Variants in MBD5 observed in about 807,000 individuals in gnomAD.
MBD5 encodes the protein methyl-CpG binding domain protein 5.
Under a neutral mutation model 117.3 loss-of-function variants are expected in MBD5, and 13 were observed. The ratio of observed to expected loss-of-function variants is 0.11; its 90% CI spans 0.07 to 0.18. The LOEUF is 0.18. MBD5 is among the 10% of genes least tolerant of loss of function. The probability of loss-of-function intolerance (pLI) is 1.00; values close to 1 mark genes in which losing one functional copy is unlikely to be tolerated. For missense variants in MBD5, 1,879 were observed against 2,093.8 expected, an observed-to-expected ratio of 0.90 and a Z score of 2.00; for synonymous variants, 727 against 766.4, an observed-to-expected ratio of 0.95 and a Z score of 0.85.
At chr2:148,299,154 A>T (rs1222646572) in intron 3 of MBD5, among the ~76,000 whole-genome samples, 1 of 151,340 alleles carries the variant, frequency 6.6e-6, no homozygotes, top group Non-Finnish European at 1.5e-5. Flanking sequence ...TTTGAAACAG[A>T]GTCTAGCTCT....
At chr2:148,425,655 A>G (rs911202044) in intron 4 of MBD5, among the ~76,000 whole-genome samples, 1 of 152,152 alleles carries the variant, frequency 6.6e-6, no homozygotes, top group Admixed American at 6.5e-5. Flanking sequence ...CTGGCAAACC[A>G]AATCCAGCAG....
intron 4 of MBD5, among the ~76,000 whole-genome samples, chr2:148,374,240 TACACACACACACACACAC>T (rs57110874): frequency 1.4e-5 from 2 of 141,866 alleles, no homozygotes; most frequent in African/African-American, 5.1e-5. Flanking sequence ...TGTTTATGCA[TACACACACACACACACAC>T]ACACACACAC....
chr2:148,137,150 C>T lies in MBD5; in HGVS notation c.-924-41550C>T, dbSNP rs73009239. Among the ~76,000 whole-genome samples, 393 of 152,216 alleles carry T rather than the reference C, an allele frequency of 2.6e-3. 1 individual carries two copies. Among genetic ancestry groups the T allele is most frequent in the African/African-American group, 8.9e-3 (368 of 41,536 alleles). ...TCCTTTATACCCCTTGCCCAAGTTC[C>T]CTAAATCTCCTATTTGTAGCCAACA... On this transcript the variant is annotated intron_variant, in intron 1 of 13. Transcript: ENST00000642680.
At chr2:148,154,404 C>G (rs1421544997) in intron 1 of MBD5, among the ~76,000 whole-genome samples, 2 of 151,808 alleles carry the variant, frequency 1.3e-5, no homozygotes, top group East Asian at 2.0e-4. Context: ...TGCCCTGCCC[C>G]CAGAGGTGGA....
chr2:148,242,920 T>A (rs1700247582), intron 3 of MBD5, among the ~76,000 whole-genome samples: 1 of 152,210 alleles, frequency 6.6e-6, no homozygotes, highest in African/African-American at 2.4e-5. Flanking sequence ...ATGTGTGGGT[T>A]TCAAAAACGT....
chr2:148,257,991 A>C (rs1700630274), intron 3 of MBD5, among the ~76,000 whole-genome samples: 1 of 152,162 alleles, frequency 6.6e-6, no homozygotes, highest in African/African-American at 2.4e-5. Context: ...CAGGCTTTCT[A>C]ACTGGCCACA....
intron 4 of MBD5, among the ~76,000 whole-genome samples, chr2:148,371,334 G>A (rs1703846861): frequency 6.6e-6 from 1 of 151,918 alleles, no homozygotes; most frequent in Non-Finnish European, 1.5e-5. Flanking sequence ...CATCAATGTT[G>A]ACCTACTTTT....
intron 8 of MBD5, chr2:148,472,443 T>C (rs1237597989): frequency 6.6e-6 from 1 of 152,116 alleles, no homozygotes; most frequent in Non-Finnish European, 1.5e-5. Flanking sequence ...AATTAAATAC[T>C]AATTAACGTG....
chr2:148,377,684 T>A (rs1163269486), intron 4 of MBD5, among the ~76,000 whole-genome samples: 1 of 152,218 alleles, frequency 6.6e-6, no homozygotes, highest in Non-Finnish European at 1.5e-5. Flanking sequence ...AGGCTGAAAA[T>A]TCTCTTTGCT....
chr2:148,470,765 G>A (rs760993459), intron 8 of MBD5: 3 of 393,618 alleles, frequency 7.6e-6, no homozygotes, highest in African/African-American at 2.1e-5. Flanking sequence ...TAAGCCATAC[G>A]AGGCAGGGTT....
intron 2 of MBD5, among the ~76,000 whole-genome samples, chr2:148,207,960 CA>C (rs954916936): frequency 2.6e-5 from 4 of 152,016 alleles, no homozygotes; most frequent in African/African-American, 9.7e-5. Flanking sequence ...TGTCTTAATG[CA>C]AAAAATAATT....
chr2:148,181,736 A>G (rs970990535), intron 2 of MBD5, among the ~76,000 whole-genome samples: 9 of 152,172 alleles, frequency 5.9e-5, no homozygotes, highest in Middle Eastern at 6.8e-3. Context: ...TTAATTTCCT[A>G]TCAGTTTAGA....
At chr2:148,201,050 C>T (rs1021534818) in intron 2 of MBD5, among the ~76,000 whole-genome samples, 5 of 152,324 alleles carry the variant, frequency 3.3e-5, no homozygotes, top group South Asian at 2.1e-4. Flanking sequence ...CTTTGCCAAC[C>T]GGAGACCTCT....
chr2:148,102,722 ACACACAC>A, intron 1 of MBD5, among the ~76,000 whole-genome samples: 3 of 88,680 alleles, frequency 3.4e-5, no homozygotes, highest in African/African-American at 7.9e-5. Flanking sequence ...ACACACACAC[ACACACAC>A]AGAGAGAGAG....
chr2:148,120,989 A>G (rs1010671151), intron 1 of MBD5, among the ~76,000 whole-genome samples: 2 of 152,178 alleles, frequency 1.3e-5, no homozygotes, highest in African/African-American at 4.8e-5. Context: ...ATTTAAAAAT[A>G]CTCACAGCAT....
chr2:148,110,619 T>C (rs4436897), intron 1 of MBD5, among the ~76,000 whole-genome samples: 62,993 of 151,640 alleles, frequency 0.42, 13,304 homozygotes, highest in Middle Eastern at 0.54. Flanking sequence ...GTAAACTTCT[T>C]CCATTTGGGA....
intron 1 of MBD5, among the ~76,000 whole-genome samples, chr2:148,152,068 G>T (rs1033140497): frequency 1.3e-5 from 2 of 151,520 alleles, no homozygotes; most frequent in African/African-American, 4.9e-5. Context: ...GCTTTCTCTT[G>T]TGGGCATTTA....
At position 148,483,687 on chromosome 2, in the gene MBD5, A is replaced by T; in HGVS notation, c.3096A>T (p.Pro1032=). The change falls in exon 9 of 14, where the codon CCA becomes CCT. Residue 1032 remains proline, a synonymous_variant. Transcript: ENST00000642680. ...PLPSLTQMTA[P]PDHLPSNQSD... ...CCTCATTAACACAGATGACAGCCCC[A>T]CCAGACCATTTGCCAAGCAATCAGT... The T allele has an allele frequency of 1.3e-6, 2 of 1,550,562 alleles. No individual in the cohort carries two copies. Among genetic ancestry groups the T allele is most frequent in the Non-Finnish European group, 8.7e-7 (1 of 1,146,990 alleles).
At chr2:148,358,065 T>C (rs1703432151) in intron 4 of MBD5, among the ~76,000 whole-genome samples, 1 of 152,176 alleles carries the variant, frequency 6.6e-6, no homozygotes, top group South Asian at 2.1e-4. Context: ...AAATCTCACA[T>C]CTGTTAATGG....
Sources: allele counts gnomAD v4.1 joint callset (sites outside exome capture counted in the v4.1 genomes callset), GRCh38; gene constraint gnomAD v4.1.1; transcripts MANE v1.5; gene names NCBI Gene and HGNC (gene_info 2026-07-23, HGNC 2026-07-21).